FCRL5: variants seen among roughly 807,000 people sequenced by gnomAD.
FCRL5 encodes Fc receptor like 5.
Under a neutral mutation model 92.1 loss-of-function variants are expected in FCRL5, and 79 were observed. That is an observed-to-expected ratio of 0.86 (90% CI 0.72 to 1.03). The LOEUF is 1.03. Among genes scored for constraint, FCRL5 ranks in the 50% least tolerant of loss-of-function variants. FCRL5 has a pLI of 0.00. For synonymous variants in FCRL5, 466 were observed against 469.3 expected (o/e 0.99, Z 0.09); for missense variants, 1,160 against 1,181.1 (o/e 0.98, Z 0.26).
intron 9 of FCRL5, 72 bp downstream of exon 9, chr1:157,527,545 C>T: frequency 2.1e-6 from 3 of 1,437,836 alleles, no homozygotes; most frequent in Non-Finnish European, 2.8e-6. Context: ...AACTGTACCT[C>T]TGATCTTGGC....
Position 157,515,070 on chromosome 1 carries a change from G to A in FCRL5, c.*605C>T, listed in dbSNP as rs1649858705. The A allele has an allele frequency of 6.3e-6, 1 of 159,874 alleles. No homozygotes were observed. The highest frequency in any genetic ancestry group is 1.4e-5 in the Non-Finnish European group (1 of 71,950). 9.9% of individuals were successfully genotyped at this position (159,874 alleles called of 1,614,324 possible). ...GGTAGACACTGACACATGAGCAGGA[G>A]AGAAGTTACCTTGGTGTCAAGTGCC... is the stretch of plus-strand genomic sequence containing the variant. On this transcript the variant is annotated 3_prime_UTR_variant, in exon 17 of 17. Coordinates refer to ENST00000361835, the MANE Select transcript of FCRL5 (RefSeq NM_031281.3).
At chr1:157,531,005 G>A (rs1325510104) in intron 8 of FCRL5, among the ~76,000 whole-genome samples, 1 of 152,136 alleles carries the variant, frequency 6.6e-6, no homozygotes, top group East Asian at 1.9e-4. Flanking sequence ...AAAAGAATTT[G>A]CACAGCAAAG....
At chr1:157,546,147 A>T (rs934188855) in intron 3 of FCRL5, 7 of 337,300 alleles carry the variant, frequency 2.1e-5, no homozygotes, top group African/African-American at 1.3e-4. Flanking sequence ...AAATAATGTG[A>T]CTTAAAACTA....
At chr1:157,529,868 A>G (rs1190017183) in intron 8 of FCRL5, among the ~76,000 whole-genome samples, 1 of 152,224 alleles carries the variant, frequency 6.6e-6, no homozygotes, top group Non-Finnish European at 1.5e-5. Context: ...TTCAGTGTAC[A>G]CTGCTCTGGC....
rs1446264899 is a variant in FCRL5, at chr1:157,552,424, T to C, written c.-62A>G. The stretch of plus-strand genomic sequence containing the variant: ...AAGTTTCCTCAATTCCAAAACAGGT[T>C]TGGACTTGATCTTACAGTCAGGACA... On this transcript the variant is annotated 5_prime_UTR_variant, in exon 1 of 17. Transcript: ENST00000361835. 1.3e-5 allele frequency: 21 copies of C among 1,579,498 alleles called. No individual in the cohort carries two copies. The highest frequency in any genetic ancestry group is 8.3e-5 in the Admixed American group (5 of 59,882).
chr1:157,526,563 C>T (rs1650437262), intron 9 of FCRL5, among the ~76,000 whole-genome samples: 1 of 152,132 alleles, frequency 6.6e-6, no homozygotes, highest in African/African-American at 2.4e-5. Context: ...TAATCAGTTA[C>T]ATAGCTTCTG....
intron 7 of FCRL5, among the ~76,000 whole-genome samples, chr1:157,537,607 C>A (rs11264754): frequency 0.087 from 13,287 of 152,150 alleles, 1,562 homozygotes; most frequent in African/African-American, 0.27. Context: ...GAGCCACACC[C>A]TATTAGTACA....
At chr1:157,545,617 C>T (rs1220059422) in intron 3 of FCRL5, among the ~76,000 whole-genome samples, 1 of 139,738 alleles carries the variant, frequency 7.2e-6, no homozygotes, top group East Asian at 2.2e-4. Context: ...CAAGCTCCAT[C>T]TCCCGGGTTC....
Position 157,519,756 on chromosome 1 carries a change from A to C in FCRL5, c.2647T>G (p.Ser883Ala). The C allele has an allele frequency of 1.9e-6, 3 of 1,614,070 alleles. No homozygotes were observed. The highest frequency in any genetic ancestry group is 2.5e-6 in the Non-Finnish European group (3 of 1,179,988). ...CTCAGCTCTTACCTGGCGGGGTCAGAGGCAGGCTTTCTCCCTGTAAAGGAA... is the reference window on the plus strand; with the variant it reads ...CTCAGCTCTTACCTGGCGGGGTCAGCGGCAGGCTTTCTCCCTGTAAAGGAA... ...LSRKAGRKPA[S>A]DPARSPSDSD... The change falls in exon 13 of 17, where the codon TCT (serine) becomes GCT (alanine). Residue 883 changes from serine (S) to alanine (A), a missense_variant. Ser to Ala is a moderately conservative substitution (Grantham distance 99). Transcript: ENST00000361835.
chr1:157,521,065 T>C lies in FCRL5; in HGVS notation c.2467A>G (p.Asn823Asp), dbSNP rs1286679937. 6.2e-7 allele frequency: 1 copy of C among 1,614,074 alleles called. No homozygotes were observed. Among genetic ancestry groups the C allele is most frequent in the Non-Finnish European group, 8.5e-7 (1 of 1,179,978 alleles). ...TCACTGCGCTGGGCCCCGAGGCCAT[T>C]GTCGGCCTCACAGGAGTAGTTTCCA... Reference protein sequence around the residue: ...HSGNYSCEADNGLGAQRSETV... With the variant: ...HSGNYSCEADDGLGAQRSETV... The change falls in exon 11 of 17, where the codon AAT becomes GAT. Residue 823 changes from asparagine (N) to aspartate (D), a missense_variant. By Grantham distance (23) the Asn-to-Asp change is conservative (BLOSUM62 1). Transcript: ENST00000361835.
At chr1:157,549,217 T>C (rs1244905433) in intron 2 of FCRL5, among the ~76,000 whole-genome samples, 1 of 138,160 alleles carries the variant, frequency 7.2e-6, no homozygotes, top group African/African-American at 2.7e-5. Context: ...TTCTCACTCA[T>C]AGGTGGGAAT....
At chr1:157,535,690 G>T (rs967456600) in intron 7 of FCRL5, among the ~76,000 whole-genome samples, 1 of 152,092 alleles carries the variant, frequency 6.6e-6, no homozygotes, top group African/African-American at 2.4e-5. Context: ...TTAAGTTCTG[G>T]TGTGTGTATA....
chr1:157,544,483 G>T lies in FCRL5; in HGVS notation c.623C>A (p.Thr208Asn). The change falls in exon 5 of 17, where the codon ACC becomes AAC. Residue 208 changes from threonine (T) to asparagine (N), a missense_variant. Transcript: ENST00000361835. ...AGAGAGCTGGGTCTCACAGGTCAGG[G>T]TCACTGGGTTCCCGCTGATGGGCTG... Reference protein sequence around the residue: ...SFQPISGNPVTLTCETQLSLE... With the variant: ...SFQPISGNPVNLTCETQLSLE... The T allele has an allele frequency of 6.2e-7, 1 of 1,614,222 alleles. No homozygotes were observed. The highest frequency in any genetic ancestry group is 8.5e-7 in the Non-Finnish European group (1 of 1,180,040).
chr1:157,514,292 A>C lies in FCRL5; in HGVS notation c.*1383T>G, dbSNP rs922733330. The C allele has an allele frequency of 2.6e-5, 4 of 152,296 alleles. No homozygotes were observed. Among genetic ancestry groups the C allele is most frequent in the Non-Finnish European group, 5.9e-5 (4 of 68,068 alleles). The allele number at this position is 152,296 out of a possible 1,614,324, so 9.4% of individuals were successfully genotyped here. Reference sequence around the variant, plus strand: ...CATCCCATTGCTCAGAGATGGGAGAACAACTCTGAATGGAGAGGGCTCAGG... The same window carrying C: ...CATCCCATTGCTCAGAGATGGGAGACCAACTCTGAATGGAGAGGGCTCAGG... On this transcript the variant is annotated 3_prime_UTR_variant, in exon 17 of 17. Transcript: ENST00000361835.
intron 15 of FCRL5, chr1:157,516,169 T>C (rs926876100): frequency 1.9e-6 from 1 of 526,822 alleles, no homozygotes; most frequent in Admixed American, 3.2e-5. Flanking sequence ...TATTTGAGCA[T>C]AATTGGTATT....
At chr1:157,534,259 A>G (rs976500997) in intron 8 of FCRL5, 21 of 663,116 alleles carry the variant, frequency 3.2e-5, no homozygotes, top group African/African-American at 2.0e-4. Flanking sequence ...ACCAATATTT[A>G]TCTATAAGAC....
rs1419311884 is a variant in FCRL5 at position 157,524,638 on chromosome 1, AT to A, written c.1961-82del. 67 of 1,448,992 alleles carry A rather than the reference AT, an allele frequency of 4.6e-5. No homozygotes were observed. The East Asian group carries it at 1.5e-3, about 33-fold the overall frequency. 89.8% of individuals were successfully genotyped at this position (1,448,992 alleles called of 1,614,324 possible). The stretch of plus-strand genomic sequence containing the variant: ...TGCTAAAGACATTTCAAATGGAAGA[AT>A]GTTTTTCTCAGTTTTTAATGCCCTT... On this transcript the variant is annotated intron_variant, in intron 9 of 16. Transcript: ENST00000361835.
At position 157,543,413 on chromosome 1, in the gene FCRL5, A is replaced by G. The variant is rs578188086; in HGVS notation, c.845-276T>C. The stretch of plus-strand genomic sequence containing the variant: ...CCTCAGGGATTTATTTGCCATTGCT[A>G]GTTTTTCCTTAAAGATTAGCATAGT... On this transcript the variant is annotated intron_variant, in intron 5 of 16. Coordinates refer to ENST00000361835, the MANE Select transcript of FCRL5 (RefSeq NM_031281.3). 4.6e-5 allele frequency among the ~76,000 whole-genome samples: 7 copies of G among 152,250 alleles called. No homozygotes were observed. In the South Asian group the frequency reaches 1.5e-3, roughly 32 times the overall value.
Position 157,513,638 on chromosome 1 carries a change from C to T in FCRL5, c.*2037G>A, listed in dbSNP as rs539935391. On this transcript the variant is annotated 3_prime_UTR_variant, in exon 17 of 17. Transcript: ENST00000361835. ...AGCCCTTTTGTTACATTCAGGCCTT[C>T]AACAGACTGGACGGGGTCCACCCAC... 2.0e-5 allele frequency: 3 copies of T among 152,340 alleles called. No homozygotes were observed. Among genetic ancestry groups the T allele is most frequent in the Admixed American group, 6.5e-5 (1 of 15,312 alleles). The allele number at this position is 152,340 out of a possible 1,614,324, so 9.4% of individuals were successfully genotyped here. A position where few individuals can be genotyped will look rare whatever the true frequency, so the allele number is the denominator to read the frequency against.
Sources: allele counts gnomAD v4.1 joint callset (sites outside exome capture counted in the v4.1 genomes callset), GRCh38; gene constraint gnomAD v4.1.1; transcripts MANE v1.5; gene names NCBI Gene and HGNC (gene_info 2026-07-23, HGNC 2026-07-21).